The following TROAP variants were observed in gnomAD, a reference collection of about 807,000 sequenced individuals.
TROAP encodes trophinin associated protein.
In TROAP, 62 loss-of-function variants were observed where a neutral mutation model predicts 83.4. The observed-to-expected ratio is 0.74, with a 90% CI of 0.61 to 0.92. TROAP has a LOEUF of 0.92. TROAP is among the 40% of genes least tolerant of loss of function. TROAP has a pLI of 0.00. For synonymous variants in TROAP, 352 were observed against 386.4 expected (o/e 0.91, Z 1.04); for missense variants, 876 against 985.1 (o/e 0.89, Z 1.48).
intron 1 of TROAP, 103 bp downstream of exon 1, chr12:49,323,452 A>T: frequency 2.0e-6 from 2 of 987,766 alleles, no homozygotes; most frequent in South Asian, 3.2e-5. Flanking sequence ...GTGTCTGGAG[A>T]TAGCACCCAT....
rs1692725614 is a variant in TROAP, at chr12:49,329,533, C to T, written c.1164+79C>T. ...TGGAGGCCCAGGAGTTTGAGGCACACGTGCTTTCTGGGCCAGGCATGGTGG... is the reference window on the plus strand; with the variant it reads ...TGGAGGCCCAGGAGTTTGAGGCACATGTGCTTTCTGGGCCAGGCATGGTGG... On this transcript the variant is annotated intron_variant, in intron 11 of 14. Transcript: ENST00000257909. The surrounding 1 kb of genome is among the most constrained non-coding windows in gnomAD (Gnocchi z 4.5). 18 of 1,491,728 alleles carry T rather than the reference C, an allele frequency of 1.2e-5. No individual in the cohort carries two copies. Among genetic ancestry groups the T allele is most frequent in the South Asian group, 3.9e-5 (3 of 75,984 alleles). 92.4% of individuals were successfully genotyped at this position (1,491,728 alleles called of 1,614,324 possible).
chr12:49,327,992 T>G (rs1326547938), intron 8 of TROAP, among the ~76,000 whole-genome samples: 1 of 151,888 alleles, frequency 6.6e-6, no homozygotes, highest in Non-Finnish European at 1.5e-5. Context: ...GTAAAGGCCC[T>G]GGGGAGGGAA....
Position 49,330,272 on chromosome 12 carries a change from C to G in TROAP, c.1427C>G (p.Ser476Cys). The G allele has an allele frequency of 1.2e-6, 2 of 1,614,140 alleles. No homozygotes were observed. The highest frequency in any genetic ancestry group is 1.7e-6 in the Non-Finnish European group (2 of 1,179,996). ...VELQPLLTEI[S>C]RTLNATEHNS... Reference sequence around the variant, plus strand: ...CTTCAGCCCCTGCTGACTGAGATTTCTAGAACTCTGAATGCCACAGAGCAT... The same window carrying G: ...CTTCAGCCCCTGCTGACTGAGATTTGTAGAACTCTGAATGCCACAGAGCAT... Residue 476 changes from serine (S) to cysteine (C), a missense_variant, in exon 13 of 15, where the codon TCT becomes TGT. By Grantham distance (112) the Ser-to-Cys change is moderately radical (BLOSUM62 -1). Coordinates refer to ENST00000257909, the MANE Select transcript of TROAP (RefSeq NM_005480.4).
intron 3 of TROAP, 143 bp downstream of exon 3, chr12:49,324,180 C>T: frequency 6.2e-7 from 1 of 1,614,140 alleles, no homozygotes; most frequent in Non-Finnish European, 8.5e-7. Context: ...CTGGAAAGCT[C>T]TTTGCTCTTA....
intron 8 of TROAP, 129 bp downstream of exon 8, chr12:49,327,459 G>T: frequency 7.4e-7 from 1 of 1,343,220 alleles, no homozygotes; most frequent in South Asian, 1.4e-5. Flanking sequence ...ATGTTACTGG[G>T]TAGGTTTACC....
In TROAP at chr12:49,330,443, T is replaced by C. The variant is rs763471190; in HGVS notation, c.1598T>C (p.Ile533Thr). The C allele has an allele frequency of 8.1e-6, 13 of 1,613,824 alleles. No homozygotes were observed. Among genetic ancestry groups the C allele is most frequent in the Non-Finnish European group, 1.1e-5 (13 of 1,179,972 alleles). ...GCCTTCTGTAGGAGTGAGCCTGAGA[T>C]ACCAGAGCCCTCCCTCCAGGAACAG... ...PEAFCRSEPE[I>T]PEPSLQEQLE... is the part of the protein sequence containing the mutation. The change falls in exon 13 of 15, where the codon ATA (isoleucine) becomes ACA (threonine). Residue 533 changes from isoleucine to threonine, a missense_variant. Transcript: ENST00000257909.
At chr12:49,327,353 T>G in intron 8 of TROAP, 23 bp downstream of exon 8, 1 of 1,609,576 alleles carries the variant, frequency 6.2e-7, no homozygotes. Flanking sequence ...TCTCCTGGGA[T>G]GGTGGGTGGG....
Position 49,329,898 on chromosome 12 carries a change from A to G in TROAP, c.1206A>G (p.Ile402Met), listed in dbSNP as rs749770863. The G allele has an allele frequency of 1.2e-6, 2 of 1,613,980 alleles. No homozygotes were observed. Among genetic ancestry groups the G allele is most frequent in the Admixed American group, 1.7e-5 (1 of 59,998 alleles). Reference protein sequence around the residue: ...AVRLFDQESCIRSLEGSGKPP... With the variant: ...AVRLFDQESCMRSLEGSGKPP... The stretch of plus-strand genomic sequence containing the variant: ...GGTTGTTTGACCAGGAGAGTTGTAT[A>G]AGGTCACTGGAGGGTTCTGGGAAAC... The change falls in exon 12 of 15, where the codon ATA (isoleucine) becomes ATG (methionine). Residue 402 changes from isoleucine (I) to methionine (M), a missense_variant. Coordinates refer to ENST00000257909, the MANE Select transcript of TROAP (RefSeq NM_005480.4). The surrounding 1 kb of genome is among the most constrained non-coding windows in gnomAD (Gnocchi z 4.5).
rs1592309368 is a variant in TROAP at position 49,324,362 on chromosome 12, T to C, written c.337+325T>C. The C allele has an allele frequency of 9.3e-6, 5 of 537,662 alleles. No homozygotes were observed. In the East Asian group the frequency reaches 1.6e-4, roughly 17 times the overall value. 33.3% of individuals were successfully genotyped at this position (537,662 alleles called of 1,614,324 possible). A position where few individuals can be genotyped will look rare whatever the true frequency, so the allele number is the denominator to read the frequency against. On this transcript the variant is annotated intron_variant, in intron 3 of 14. Coordinates refer to ENST00000257909, the MANE Select transcript of TROAP (RefSeq NM_005480.4). Reference sequence around the variant, plus strand: ...TCTCTTTAAAAAATAAATAAATAAATAAATAATAAATATCACTTCTTCTGA... The same window carrying C: ...TCTCTTTAAAAAATAAATAAATAAACAAATAATAAATATCACTTCTTCTGA...
chr12:49,326,014 G>A, intron 5 of TROAP, 62 bp from the exon 6 acceptor site: 3 of 1,607,386 alleles, frequency 1.9e-6, no homozygotes, highest in South Asian at 2.2e-5. Context: ...GGTTGGTGGT[G>A]AGGCCTGAGG....
In TROAP at chr12:49,329,506, C is replaced by A. The variant is rs916742836; in HGVS notation, c.1164+52C>A. On this transcript the variant is annotated intron_variant, in intron 11 of 14. Transcript: ENST00000257909. The surrounding 1 kb of genome is among the most constrained non-coding windows in gnomAD (Gnocchi z 4.5). ...GAGATCCCTTGCCCTGTGCTGCCAG[C>A]CTGGAGGCCCAGGAGTTTGAGGCAC... 6.4e-7 allele frequency: 1 copy of A among 1,554,922 alleles called. No individual in the cohort carries two copies. The highest frequency in any genetic ancestry group is 8.7e-7 in the Non-Finnish European group (1 of 1,151,566).
At position 49,325,753 on chromosome 12, in the gene TROAP, C is replaced by T. The variant is rs772432667; in HGVS notation, c.502C>T (p.Arg168Trp). 9.9e-6 allele frequency: 16 copies of T among 1,613,328 alleles called. No homozygotes were observed. The highest frequency in any genetic ancestry group is 1.6e-4 in the Middle Eastern group (1 of 6,078). The change falls in exon 5 of 15, where the codon CGG (arginine) becomes TGG (tryptophan). Residue 168 changes from arginine (R) to tryptophan (W), a missense_variant. This residue lies in a region of TROAP where 689 missense variants were observed against 722.6 expected (regional missense o/e 0.95). Transcript: ENST00000257909. ...GCCTCTGTTGGTGTCCCAGGGTGTT[C>T]GGGCCTCTGCATATTTGGCCCCCAG... ...GGTTQRVQGV[R>W]ASAYLAPRTP...
intron 8 of TROAP, among the ~76,000 whole-genome samples, chr12:49,328,630 C>T (rs959729588): frequency 5.3e-5 from 8 of 151,858 alleles, no homozygotes; most frequent in South Asian, 2.1e-4. Context: ...TTTGGGAGGC[C>T]GAGGCGGGCA....
Position 49,325,586 on chromosome 12 carries a change from G to A in TROAP, c.423G>A (p.Leu141=). The change falls in exon 4 of 15, where the codon CTG becomes CTA. Residue 141 remains leucine, a synonymous_variant. Coordinates refer to ENST00000257909, the MANE Select transcript of TROAP (RefSeq NM_005480.4). The part of the protein sequence containing the change: ...LSGEGVKSCH[L]GRQPSLAKRV... ...GTGAGGGTGTGAAGAGCTGTCACCT[G>A]GGGCGCCAGCCTAGTCTGGCTAAAA... is the stretch of plus-strand genomic sequence containing the variant. The A allele has an allele frequency of 6.2e-7, 1 of 1,613,956 alleles. No individual in the cohort carries two copies. Among genetic ancestry groups the A allele is most frequent in the Non-Finnish European group, 8.5e-7 (1 of 1,180,012 alleles).
intron 8 of TROAP, among the ~76,000 whole-genome samples, chr12:49,327,552 G>A (rs921830813): frequency 6.6e-6 from 1 of 152,138 alleles, no homozygotes; most frequent in East Asian, 1.9e-4. Context: ...GGTCATATTT[G>A]TATCACCATC....
intron 13 of TROAP, 62 bp downstream of exon 13, chr12:49,331,005 C>T (rs748883370): frequency 1.3e-6 from 2 of 1,590,302 alleles, no homozygotes; most frequent in African/African-American, 1.3e-5. Flanking sequence ...GTGAGCTGCA[C>T]ACCTGCCCTG....
chr12:49,326,837 G>A, intron 7 of TROAP, 117 bp downstream of exon 7: 1 of 1,157,804 alleles, frequency 8.6e-7, no homozygotes, highest in Non-Finnish European at 1.2e-6. Flanking sequence ...GAGGCCGGGA[G>A]GCTAGGTCAG....
At position 49,323,634 on chromosome 12, in the gene TROAP, A is replaced by T. The variant is rs763473126; in HGVS notation, c.26A>T (p.Asp9Val). Residue 9 changes from aspartate (D) to valine (V), a missense_variant, in exon 2 of 15, where the codon GAT becomes GTT. By Grantham distance (152) the Asp-to-Val change is radical. Transcript: ENST00000257909. MTTRQATK[D>V]PLLRGVSPTP... ...ATGACCACCCGGCAAGCCACGAAGG[A>T]TCCCCTCCTCCGGGGTGTATCTCCT... 4.3e-6 allele frequency: 7 copies of T among 1,613,992 alleles called. No individual in the cohort carries two copies. The highest frequency in any genetic ancestry group is 5.9e-6 in the Non-Finnish European group (7 of 1,179,976).
Position 49,325,730 on chromosome 12 carries a change from C to T in TROAP, c.496-17C>T. Reference sequence around the variant, plus strand: ...GGGCATCCTGAGCAGTGCTGACAGCCTCTGTTGGTGTCCCAGGGTGTTCGG... The same window carrying T: ...GGGCATCCTGAGCAGTGCTGACAGCTTCTGTTGGTGTCCCAGGGTGTTCGG... On this transcript the variant is annotated splice_polypyrimidine_tract_variant and intron_variant, in intron 4 of 14. Transcript: ENST00000257909. 2 of 1,613,174 alleles carry T rather than the reference C, an allele frequency of 1.2e-6. No homozygotes were observed. Among genetic ancestry groups the T allele is most frequent in the Non-Finnish European group, 1.7e-6 (2 of 1,179,544 alleles).
Sources: allele counts gnomAD v4.1 joint callset (sites outside exome capture counted in the v4.1 genomes callset), GRCh38; gene constraint gnomAD v4.1.1; regional missense constraint gnomAD v4.1.1; non-coding constraint Gnocchi (gnomAD v3.1); transcripts MANE v1.5; gene names NCBI Gene and HGNC (gene_info 2026-07-23, HGNC 2026-07-21).